AKIRIN2: variants seen among roughly 807,000 people sequenced by gnomAD.
AKIRIN2 encodes akirin 2, also known as akirin-2.
Under a neutral mutation model 29.3 loss-of-function variants are expected in AKIRIN2, and 6 were observed. The observed-to-expected ratio is 0.20, with a 90% CI of 0.11 to 0.40. The LOEUF is 0.40. Among genes scored for constraint, AKIRIN2 ranks in the 10% least tolerant of loss-of-function variants. The probability of loss-of-function intolerance (pLI) is 1.00; values close to 1 mark genes in which losing one functional copy is unlikely to be tolerated. For missense variants in AKIRIN2, 210 were observed against 276.1 expected (o/e 0.76, Z 1.70); for synonymous variants, 128 against 117.5 (o/e 1.09, Z -0.58).
intron 1 of AKIRIN2, among the ~76,000 whole-genome samples, chr6:87,687,597 G>A (rs1025964691): frequency 1.3e-5 from 2 of 151,972 alleles, no homozygotes; most frequent in Non-Finnish European, 2.9e-5. Flanking sequence ...AGAGCTATTG[G>A]ACTATAAAGA....
chr6:87,675,542 C>G lies in AKIRIN2; in HGVS notation c.*55G>C. On this transcript the variant is annotated 3_prime_UTR_variant, in exon 5 of 5. Transcript: ENST00000257787. ...CATTGCTGCATGTCATAATTGGGAC[C>G]TCTTGCAACAACTCAACAAGGAACA... 6.2e-7 allele frequency: 1 copy of G among 1,605,808 alleles called. No individual in the cohort carries two copies. Among genetic ancestry groups the G allele is most frequent in the Non-Finnish European group, 8.5e-7 (1 of 1,172,586 alleles).
At chr6:87,693,979 A>G (rs1371805354) in intron 1 of AKIRIN2, among the ~76,000 whole-genome samples, 1 of 152,226 alleles carries the variant, frequency 6.6e-6, no homozygotes, top group Non-Finnish European at 1.5e-5. Context: ...ACAATCTCCT[A>G]TCATAATTAA....
At chr6:87,685,035 G>A (rs1314836051) in intron 1 of AKIRIN2, among the ~76,000 whole-genome samples, 2 of 152,148 alleles carry the variant, frequency 1.3e-5, no homozygotes, top group Non-Finnish European at 2.9e-5. Flanking sequence ...GCCAACACTT[G>A]ATATTGTCAG....
intron 1 of AKIRIN2, among the ~76,000 whole-genome samples, chr6:87,687,439 CAAAAAA>C (rs201472497): frequency 3.7e-5 from 4 of 109,136 alleles, no homozygotes; most frequent in East Asian, 2.7e-4. Context: ...AATTCCGTTT[CAAAAAA>C]AAAAAAAAAA....
intron 1 of AKIRIN2, among the ~76,000 whole-genome samples, chr6:87,699,536 CA>C (rs373721525): frequency 6.2e-5 from 9 of 145,170 alleles, no homozygotes; most frequent in Admixed American, 2.1e-4. Context: ...AAGTAGATGT[CA>C]AAAAAAAAAC....
At chr6:87,696,337 A>T (rs976963483) in intron 1 of AKIRIN2, among the ~76,000 whole-genome samples, 2 of 152,204 alleles carry the variant, frequency 1.3e-5, no homozygotes, top group Non-Finnish European at 2.9e-5. Flanking sequence ...AAGAGGGGCT[A>T]ACCTCTAATC....
intron 1 of AKIRIN2, among the ~76,000 whole-genome samples, chr6:87,698,927 G>C (rs1053447276): frequency 6.6e-6 from 1 of 152,084 alleles, no homozygotes; most frequent in Admixed American, 6.5e-5. Flanking sequence ...GTATCTAGAG[G>C]AGAACAATGA....
At chr6:87,677,740 A>C in intron 3 of AKIRIN2, 78 bp downstream of exon 3, 1 of 1,495,772 alleles carries the variant, frequency 6.7e-7, no homozygotes, top group South Asian at 1.3e-5. Flanking sequence ...GTGTATAGAA[A>C]GTGAAATTAA....
At chr6:87,691,383 G>A (rs1036278593) in intron 1 of AKIRIN2, among the ~76,000 whole-genome samples, 3 of 146,018 alleles carry the variant, frequency 2.1e-5, no homozygotes, top group African/African-American at 7.5e-5. Context: ...AGAGGTTGCA[G>A]TGAGCCGAGA....
intron 1 of AKIRIN2, among the ~76,000 whole-genome samples, chr6:87,682,073 A>C (rs1408219498): frequency 2.0e-5 from 3 of 152,242 alleles, no homozygotes; most frequent in Non-Finnish European, 4.4e-5. Flanking sequence ...TCAGATTCTT[A>C]AGAGTTCCAA....
chr6:87,699,599 C>T (rs1333617630), intron 1 of AKIRIN2, among the ~76,000 whole-genome samples: 1 of 152,058 alleles, frequency 6.6e-6, no homozygotes, highest in African/African-American at 2.4e-5. Context: ...TCTCAATCAG[C>T]TGGCTTAAAC....
At chr6:87,696,302 T>G (rs144125149) in intron 1 of AKIRIN2, among the ~76,000 whole-genome samples, 1 of 152,200 alleles carries the variant, frequency 6.6e-6, no homozygotes, top group African/African-American at 2.4e-5. Flanking sequence ...GTGGCAACCA[T>G]AGTGAATAGT....
At chr6:87,701,334 C>T (rs1015633782) in intron 1 of AKIRIN2, 116 bp downstream of exon 1, 7 of 1,139,154 alleles carry the variant, frequency 6.1e-6, no homozygotes, top group African/African-American at 1.7e-5. Flanking sequence ...TACTACTTTG[C>T]TAAGAACAAG....
chr6:87,687,957 T>C (rs913505048), intron 1 of AKIRIN2, among the ~76,000 whole-genome samples: 1 of 152,140 alleles, frequency 6.6e-6, no homozygotes, highest in Admixed American at 6.6e-5. Context: ...GTGAAAACTC[T>C]ATCTCCACCA....
At chr6:87,695,322 CATT>C (rs34472900) in intron 1 of AKIRIN2, among the ~76,000 whole-genome samples, 44,268 of 151,864 alleles carry the variant, frequency 0.29, 6,764 homozygotes, top group Admixed American at 0.4. Flanking sequence ...AAATGTTACA[CATT>C]ATGACAATGT....
chr6:87,700,220 A>G (rs532281222), intron 1 of AKIRIN2, among the ~76,000 whole-genome samples: 223 of 151,796 alleles, frequency 1.5e-3, no homozygotes, highest in Non-Finnish European at 2.6e-3. Context: ...GGTAGCTTGC[A>G]TATTCGAGGG....
chr6:87,692,411 G>A (rs1468495848), intron 1 of AKIRIN2, among the ~76,000 whole-genome samples: 5 of 152,206 alleles, frequency 3.3e-5, no homozygotes, highest in Non-Finnish European at 7.3e-5. Flanking sequence ...GCTTGAACAT[G>A]GCAGAGCCAG....
chr6:87,695,614 T>C (rs1199781871), intron 1 of AKIRIN2, among the ~76,000 whole-genome samples: 1 of 152,220 alleles, frequency 6.6e-6, no homozygotes, highest in Admixed American at 6.5e-5. Flanking sequence ...CTACAGAGAC[T>C]ACAAATTGCT....
chr6:87,676,047 A>T (rs918705718), intron 3 of AKIRIN2, 116 bp from the exon 4 acceptor site: 1 of 786,608 alleles, frequency 1.3e-6, no homozygotes, highest in Non-Finnish European at 2.1e-6. Flanking sequence ...CACTTACATA[A>T]CCTCAGTAGT....
Sources: allele counts gnomAD v4.1 joint callset (sites outside exome capture counted in the v4.1 genomes callset), GRCh38; gene constraint gnomAD v4.1.1; transcripts MANE v1.5; gene names NCBI Gene and HGNC (gene_info 2026-07-23, HGNC 2026-07-21).